The following DLGAP4 variants were observed in gnomAD, a reference collection of about 807,000 sequenced individuals.
DLGAP4 encodes the protein DLG associated protein 4.
Under a neutral mutation model 86.9 loss-of-function variants are expected in DLGAP4, and 18 were observed. That is an observed-to-expected ratio of 0.21 (90% CI 0.14 to 0.31). The LOEUF (loss-of-function observed/expected upper bound fraction) is 0.31, where lower values mean the gene tolerates loss of function less well. DLGAP4 is among the 10% of genes least tolerant of loss of function. DLGAP4 has a pLI of 1.00. For synonymous variants in DLGAP4, 548 were observed against 574.3 expected (o/e 0.95, Z 0.65); for missense variants, 1,085 against 1,362.6 (o/e 0.80, Z 3.21).
intron 1 of DLGAP4, among the ~76,000 whole-genome samples, chr20:36,355,937 T>C (rs551480323): frequency 6.6e-6 from 1 of 152,316 alleles, no homozygotes; most frequent in East Asian, 1.9e-4. Context: ...GGTAAGCCAA[T>C]GGGCATAGAG....
intron 1 of DLGAP4, among the ~76,000 whole-genome samples, chr20:36,347,295 G>A (rs562591805): frequency 6.6e-6 from 1 of 152,186 alleles, no homozygotes; most frequent in African/African-American, 2.4e-5. Context: ...GATCAGATTA[G>A]AAGCAAGGCT....
chr20:36,396,095 G>A (rs2031939148), intron 2 of DLGAP4, among the ~76,000 whole-genome samples: 1 of 151,896 alleles, frequency 6.6e-6, no homozygotes, highest in Non-Finnish European at 1.5e-5. Context: ...TGGCAGTGGG[G>A]ACTCTCGTCC....
chr20:36,345,896 T>C (rs1291309861), intron 1 of DLGAP4, among the ~76,000 whole-genome samples: 1 of 152,190 alleles, frequency 6.6e-6, no homozygotes, highest in Non-Finnish European at 1.5e-5. Context: ...TAGCTGGGAC[T>C]ACAGGCACTT....
intron 4 of DLGAP4, among the ~76,000 whole-genome samples, chr20:36,438,376 A>AAC: frequency 1.2e-5 from 1 of 83,000 alleles, no homozygotes; most frequent in Non-Finnish European, 3.4e-5. Context: ...TGTCTCAAAA[A>AAC]AAAATATATA....
At chr20:36,340,827 G>A (rs2065372418) in intron 1 of DLGAP4, among the ~76,000 whole-genome samples, 1 of 152,238 alleles carries the variant, frequency 6.6e-6, no homozygotes, top group Admixed American at 6.5e-5. Context: ...CTGCGATCCA[G>A]CGGGTGGAGG....
chr20:36,374,245 C>A (rs2147429837), intron 2 of DLGAP4, among the ~76,000 whole-genome samples: 1 of 152,032 alleles, frequency 6.6e-6, no homozygotes, highest in Non-Finnish European at 1.5e-5. Flanking sequence ...GAGAGGGGAG[C>A]ACATGGATGA....
chr20:36,396,440 A>C (rs1202307161), intron 2 of DLGAP4, among the ~76,000 whole-genome samples: 1 of 20,172 alleles, frequency 5.0e-5, no homozygotes, highest in African/African-American at 2.8e-4. Flanking sequence ...ACACACACCC[A>C]CACACACACA....
At chr20:36,361,445 T>C (rs2030517229) in intron 1 of DLGAP4, among the ~76,000 whole-genome samples, 1 of 152,220 alleles carries the variant, frequency 6.6e-6, no homozygotes, top group Admixed American at 6.5e-5. Context: ...TTGTTTTTTG[T>C]GTCAGCAAGG....
chr20:36,326,996 C>CTTTT (rs377378667), intron 1 of DLGAP4, among the ~76,000 whole-genome samples: 25 of 99,472 alleles, frequency 2.5e-4, no homozygotes, highest in African/African-American at 4.0e-4. Flanking sequence ...AAGATTTTCT[C>CTTTT]TTTTTTTTTT....
At chr20:36,314,363 T>TGG (rs2065079592) in intron 1 of DLGAP4, among the ~76,000 whole-genome samples, 1 of 40 alleles carries the variant, frequency 0.025, no homozygotes, top group East Asian at 0.25. Context: ...TGGTGTGGTG[T>TGG]GTGTGTGGNN....
intron 9 of DLGAP4, 142 bp downstream of exon 9, chr20:36,499,818 G>T: frequency 1.6e-6 from 1 of 622,080 alleles, no homozygotes; most frequent in Non-Finnish European, 2.9e-6. Context: ...GGTGGCCCAG[G>T]CATGGGAGGC....
At chr20:36,309,893 G>A (rs1001428990) in intron 1 of DLGAP4, among the ~76,000 whole-genome samples, 39 of 152,220 alleles carry the variant, frequency 2.6e-4, no homozygotes, top group Non-Finnish European at 1.5e-5. Context: ...GTAAACTGTA[G>A]CCATCCTGCC....
At chr20:36,316,065 T>G (rs2065096225) in intron 1 of DLGAP4, among the ~76,000 whole-genome samples, 1 of 152,188 alleles carries the variant, frequency 6.6e-6, no homozygotes, top group African/African-American at 2.4e-5. Context: ...GCCCTTGAGA[T>G]GCGTCTGGGG....
At chr20:36,307,061 C>G (rs6089048) in intron 1 of DLGAP4, among the ~76,000 whole-genome samples, 29 of 152,252 alleles carry the variant, frequency 1.9e-4, no homozygotes, top group Admixed American at 7.8e-4. Context: ...CCGGCTCCCC[C>G]CTTCCCGAGC....
At chr20:36,409,965 C>T (rs1285267281) in intron 2 of DLGAP4, among the ~76,000 whole-genome samples, 43 of 148,660 alleles carry the variant, frequency 2.9e-4, no homozygotes, top group Admixed American at 1.0e-3. Flanking sequence ...ACCCGGGAGG[C>T]GGAGCTTGCA....
At chr20:36,413,241 G>A (rs189423364) in intron 2 of DLGAP4, among the ~76,000 whole-genome samples, 15 of 151,782 alleles carry the variant, frequency 9.9e-5, no homozygotes, top group African/African-American at 3.4e-4. Context: ...GGCTCCCAAA[G>A]TGTTGGGATT....
chr20:36,316,091 G>A (rs1281949628), intron 1 of DLGAP4, among the ~76,000 whole-genome samples: 4 of 152,296 alleles, frequency 2.6e-5, no homozygotes, highest in Middle Eastern at 3.4e-3. Context: ...ATCACAAAGC[G>A]GAAGGTGGGC....
chr20:36,320,487 G>A (rs1473648728), intron 1 of DLGAP4, among the ~76,000 whole-genome samples: 2 of 152,124 alleles, frequency 1.3e-5, no homozygotes, highest in African/African-American at 4.8e-5. Flanking sequence ...GGGGCTGTGG[G>A]GCTGTGAGTG....
At chr20:36,513,414 G>A (rs957600127) in intron 10 of DLGAP4, among the ~76,000 whole-genome samples, 9 of 150,942 alleles carry the variant, frequency 6.0e-5, no homozygotes, top group Admixed American at 1.3e-4. Flanking sequence ...CGGGCGCGGT[G>A]GCGGGCGCCT....
Sources: gnomAD v4.1 joint callset for allele counts (sites outside exome capture counted in the v4.1 genomes callset) on GRCh38, gnomAD v4.1.1 for gene constraint, MANE v1.5 for transcripts, NCBI Gene and HGNC (gene_info 2026-07-23, HGNC 2026-07-21) for gene names.